Variants in IKZF1 observed in about 807,000 individuals in gnomAD.
IKZF1 encodes the protein DNA-binding protein Ikaros.
Under a neutral mutation model 51.7 loss-of-function variants are expected in IKZF1, and 10 were observed. The ratio of observed to expected loss-of-function variants is 0.19; its 90% CI spans 0.12 to 0.33. The LOEUF (loss-of-function observed/expected upper bound fraction) is 0.33, where lower values mean the gene tolerates loss of function less well. IKZF1 is among the 10% of genes least tolerant of loss of function. The pLI is 1.00. For missense variants in IKZF1, 484 were observed against 707.5 expected (o/e 0.68, Z 3.58); for synonymous variants, 280 against 282.3 (o/e 0.99, Z 0.08).
chr7:50,396,412 A>G (rs767929178), intron 7 of IKZF1, among the ~76,000 whole-genome samples: 3 of 151,996 alleles, frequency 2.0e-5, no homozygotes, highest in African/African-American at 7.2e-5. Flanking sequence ...GAGACCCGAA[A>G]TCTCTTTTTT....
intron 3 of IKZF1, among the ~76,000 whole-genome samples, chr7:50,361,700 A>G (rs953122276): frequency 2.0e-5 from 3 of 152,172 alleles, no homozygotes; most frequent in Non-Finnish European, 2.9e-5. Context: ...ACATGGTGAA[A>G]CCCCATCTCT....
chr7:50,305,105 T>C (rs976479141), intron 1 of IKZF1, among the ~76,000 whole-genome samples, 183 bp downstream of exon 1: 2 of 152,152 alleles, frequency 1.3e-5, no homozygotes, highest in East Asian at 1.9e-4. Flanking sequence ...CTCTGCACTG[T>C]GCCAGCAGGT....
chr7:50,306,913 T>G (rs114104643), intron 1 of IKZF1, among the ~76,000 whole-genome samples: 4,453 of 152,340 alleles, frequency 0.029, 242 homozygotes, highest in African/African-American at 0.1. Context: ...ATTAATGTAC[T>G]TATACACACA....
chr7:50,332,112 C>A (rs1206303090), intron 3 of IKZF1, among the ~76,000 whole-genome samples: 1 of 152,206 alleles, frequency 6.6e-6, no homozygotes, highest in African/African-American at 2.4e-5. Context: ...CCATGGCACA[C>A]ATGCTAGAGA....
At chr7:50,308,638 C>T (rs1220593423) in intron 1 of IKZF1, 1 of 152,220 alleles carries the variant, frequency 6.6e-6, no homozygotes, top group Non-Finnish European at 1.5e-5. Context: ...CCCTTCCTGT[C>T]TGTGTTTTCC....
intron 3 of IKZF1, among the ~76,000 whole-genome samples, chr7:50,334,719 T>A (rs1318108429): frequency 6.6e-6 from 1 of 151,632 alleles, no homozygotes; most frequent in Non-Finnish European, 1.5e-5. Flanking sequence ...GTATGGGATG[T>A]GTGGTGTGCA....
At chr7:50,395,515 AG>A in intron 7 of IKZF1, among the ~76,000 whole-genome samples, 1 of 152,316 alleles carries the variant, frequency 6.6e-6, no homozygotes, top group Non-Finnish European at 1.5e-5. Flanking sequence ...AAATAAGGAC[AG>A]TATTCCAGTT....
chr7:50,395,044 T>C (rs1227510861), intron 7 of IKZF1, among the ~76,000 whole-genome samples: 1 of 152,202 alleles, frequency 6.6e-6, no homozygotes, highest in Non-Finnish European at 1.5e-5. Flanking sequence ...TTTTCTTCTT[T>C]TGTAAGAAAA....
At chr7:50,330,072 C>T (rs959115051) in intron 3 of IKZF1, among the ~76,000 whole-genome samples, 4 of 152,276 alleles carry the variant, frequency 2.6e-5, no homozygotes, top group Middle Eastern at 6.8e-3. Context: ...GTTCCCAGAG[C>T]TGTCTTTTGG....
At chr7:50,314,785 T>A (rs1038549470) in intron 1 of IKZF1, among the ~76,000 whole-genome samples, 3 of 152,092 alleles carry the variant, frequency 2.0e-5, no homozygotes, top group Non-Finnish European at 4.4e-5. Context: ...CTGGCCACAC[T>A]CTCCTTTGGG....
intron 5 of IKZF1, among the ~76,000 whole-genome samples, chr7:50,384,082 A>T (rs1056219479): frequency 2.0e-4 from 30 of 152,220 alleles, no homozygotes; most frequent in Non-Finnish European, 1.3e-4. Context: ...TGGGGTGGAA[A>T]GTCAGGAGAG....
intron 1 of IKZF1, among the ~76,000 whole-genome samples, chr7:50,311,375 C>A (rs925953807): frequency 2.0e-5 from 3 of 152,176 alleles, no homozygotes; most frequent in Middle Eastern, 3.2e-3. Context: ...TTTTGTAGAT[C>A]TTGTCTTACC....
chr7:50,327,689 T>G lies in IKZF1; in HGVS notation c.92T>G (p.Met31Arg). 2 of 1,613,750 alleles carry G rather than the reference T, an allele frequency of 1.2e-6. No homozygotes were observed. Among genetic ancestry groups the G allele is most frequent in the Non-Finnish European group, 1.7e-6 (2 of 1,179,800 alleles). Residue 31 changes from methionine (M) to arginine (R), a missense_variant, in exon 3 of 8, where the codon ATG (methionine) becomes AGG (arginine). By Grantham distance (91) the Met-to-Arg change is moderately conservative. Around this residue, in one of 6 missense-constraint regions of IKZF1, gnomAD observed 118 missense variants for 138.4 expected, o/e 0.85. Transcript: ENST00000331340. ...ACTCCAGATGAGGGCGATGAGCCCA[T>G]GCCGATCCCCGAGGACCTCTCCACC... The part of the protein sequence containing the change: ...SDTPDEGDEP[M>R]PIPEDLSTTS...
rs1205480397 is a variant in IKZF1 at position 50,387,532 on chromosome 7, G to A, written c.715+62G>A. The A allele has an allele frequency of 2.3e-5, 35 of 1,536,628 alleles. No homozygotes were observed. The East Asian group carries it at 2.9e-4, about 13-fold the overall frequency. ...CTCCCCCCAGCACGGTGGGGAAGGA[G>A]GGCGCTCTGCATGCAGCCTTAGGAG... On this transcript the variant is annotated intron_variant, in intron 6 of 7. Coordinates refer to ENST00000331340, the MANE Select transcript of IKZF1 (RefSeq NM_006060.6).
At chr7:50,325,439 G>A (rs1248396804) in intron 2 of IKZF1, among the ~76,000 whole-genome samples, 1 of 152,056 alleles carries the variant, frequency 6.6e-6, no homozygotes, top group Admixed American at 6.6e-5. Flanking sequence ...TTATGAAAGA[G>A]GTGAAAACGC....
rs1354959145 is a variant in IKZF1 at position 50,332,791 on chromosome 7, G to A, written c.160+5034G>A. Among the ~76,000 whole-genome samples, 3 of 152,162 alleles carry A rather than the reference G, an allele frequency of 2.0e-5. No homozygotes were observed. In the East Asian group the frequency reaches 5.8e-4, roughly 29 times the overall value. On this transcript the variant is annotated intron_variant, in intron 3 of 7. Coordinates refer to ENST00000331340, the MANE Select transcript of IKZF1 (RefSeq NM_006060.6). The stretch of plus-strand genomic sequence containing the variant: ...AACCTCAGGCAGTAGTTATTCAGGC[G>A]GGAGGACACATGAGTTTGAATATAG...
chr7:50,386,237 A>G (rs1170503190), intron 5 of IKZF1, among the ~76,000 whole-genome samples: 1 of 152,244 alleles, frequency 6.6e-6, no homozygotes, highest in Non-Finnish European at 1.5e-5. Context: ...TTTTCCTAAA[A>G]TATCACTCAA....
intron 3 of IKZF1, among the ~76,000 whole-genome samples, chr7:50,337,986 A>G (rs1798177836): frequency 6.6e-6 from 1 of 151,858 alleles, no homozygotes; most frequent in Non-Finnish European, 1.5e-5. Context: ...AGTACTTCCC[A>G]CTCGTAAGAG....
intron 3 of IKZF1, among the ~76,000 whole-genome samples, chr7:50,360,018 A>G (rs919279488): frequency 6.6e-6 from 1 of 152,166 alleles, no homozygotes; most frequent in African/African-American, 2.4e-5. Context: ...TTAAAGACAC[A>G]AAGTGTGCAG....
Sources: allele counts gnomAD v4.1 joint callset (sites outside exome capture counted in the v4.1 genomes callset), GRCh38; gene constraint gnomAD v4.1.1; regional missense constraint gnomAD v4.1.1; transcripts MANE v1.5; gene names NCBI Gene and HGNC (gene_info 2026-07-23, HGNC 2026-07-21).